PRPF39: variants seen among roughly 807,000 people sequenced by gnomAD.
The protein encoded by PRPF39 is pre-mRNA-processing factor 39.
A neutral mutation model predicts 82.1 loss-of-function variants in PRPF39; 27 were observed. The ratio of observed to expected loss-of-function variants is 0.33; its 90% CI spans 0.24 to 0.45. PRPF39 has a LOEUF of 0.45. Ranked by LOEUF, PRPF39 falls within the 20% of genes least tolerant of loss-of-function variation. The pLI is 1.00. For missense variants in PRPF39, 581 were observed against 796.9 expected (o/e 0.73, Z 3.26); for synonymous variants, 261 against 256.4 (o/e 1.02, Z -0.17).
At chr14:45,089,019 A>G (rs1883933940) in intron 1 of PRPF39, among the ~76,000 whole-genome samples, 1 of 152,210 alleles carries the variant, frequency 6.6e-6, no homozygotes, top group Admixed American at 6.5e-5. Flanking sequence ...CAGATATGAT[A>G]TGCAAATATT....
In PRPF39 at chr14:45,115,426, G is replaced by C. The variant is rs1884809084; in HGVS notation, c.*513G>C. ...TATTAAAATACTTTGCCTTGGAATA[G>C]ATTATAAATGAGAAAATGGAATGTT... On this transcript the variant is annotated 3_prime_UTR_variant, in exon 14 of 14. Coordinates refer to ENST00000355765, the MANE Select transcript of PRPF39 (RefSeq NM_017922.4). 1.3e-5 allele frequency: 2 copies of C among 152,096 alleles called. No individual in the cohort carries two copies. Among genetic ancestry groups the C allele is most frequent in the South Asian group, 2.1e-4 (1 of 4,812 alleles). 9.4% of individuals were successfully genotyped at this position (152,096 alleles called of 1,614,324 possible).
chr14:45,108,628 A>G lies in PRPF39; in HGVS notation c.1011+106A>G. 7.3e-6 allele frequency: 10 copies of G among 1,364,204 alleles called. No homozygotes were observed. In the South Asian group the frequency reaches 1.6e-4, roughly 22 times the overall value. The allele number at this position is 1,364,204 out of a possible 1,614,324, so 84.5% of individuals were successfully genotyped here. Reference sequence around the variant, plus strand: ...CTCTGTTGTAACTTTATTTTTGCATATTTAAGCCATAACTTCAGATGTTTG... The same window carrying G: ...CTCTGTTGTAACTTTATTTTTGCATGTTTAAGCCATAACTTCAGATGTTTG... On this transcript the variant is annotated intron_variant, in intron 7 of 13. Coordinates refer to ENST00000355765, the MANE Select transcript of PRPF39 (RefSeq NM_017922.4).
At chr14:45,109,476 TAA>T (rs1884638313) in intron 7 of PRPF39, 138 bp from the exon 8 acceptor site, 7 of 698,396 alleles carry the variant, frequency 1.0e-5, no homozygotes, top group South Asian at 3.8e-5. Flanking sequence ...GGGTTAATTT[TAA>T]AAGTTTTTTA....
At chr14:45,107,383 A>G in intron 5 of PRPF39, 68 bp from the exon 6 acceptor site, 2 of 1,195,512 alleles carry the variant, frequency 1.7e-6, no homozygotes, top group Non-Finnish European at 1.2e-6. Context: ...AGTAGTATAT[A>G]GTAGGAATCT....
intron 1 of PRPF39, among the ~76,000 whole-genome samples, chr14:45,088,851 G>A (rs1180839610): frequency 2.6e-5 from 4 of 152,128 alleles, no homozygotes; most frequent in Non-Finnish European, 4.4e-5. Context: ...ACATTAAAGT[G>A]TCATAAAACC....
intron 4 of PRPF39, among the ~76,000 whole-genome samples, chr14:45,101,732 C>T (rs61155826): frequency 0.099 from 15,044 of 151,970 alleles, 981 homozygotes; most frequent in African/African-American, 0.18. Flanking sequence ...AGCCATCGTG[C>T]CCAGCCTGTG....
chr14:45,104,296 T>G (rs1449999721), intron 5 of PRPF39, among the ~76,000 whole-genome samples: 2 of 152,216 alleles, frequency 1.3e-5, no homozygotes, highest in African/African-American at 4.8e-5. Context: ...TATAATCTGA[T>G]ATTTTTCACT....
chr14:45,105,168 A>G (rs912192448), intron 5 of PRPF39, among the ~76,000 whole-genome samples: 1 of 152,228 alleles, frequency 6.6e-6, no homozygotes, highest in Admixed American at 6.5e-5. Context: ...TAGCTTTATA[A>G]TACAAAAAAC....
intron 2 of PRPF39, 28 bp from the exon 3 acceptor site, chr14:45,096,075 T>C: frequency 6.6e-7 from 1 of 1,512,110 alleles, no homozygotes; most frequent in Non-Finnish European, 8.9e-7. Flanking sequence ...ATTTCCACAA[T>C]ATTTAAATAC....
intron 5 of PRPF39, among the ~76,000 whole-genome samples, chr14:45,105,118 T>C (rs1226027192): frequency 6.6e-6 from 1 of 152,204 alleles, no homozygotes; most frequent in African/African-American, 2.4e-5. Flanking sequence ...TAGAGCTCAA[T>C]ATATATTAGG....
Position 45,115,093 on chromosome 14 carries a change from T to C in PRPF39, c.*180T>C, listed in dbSNP as rs897802752. 14 of 412,678 alleles carry C rather than the reference T, an allele frequency of 3.4e-5. No individual in the cohort carries two copies. The highest frequency in any genetic ancestry group is 5.3e-5 in the Non-Finnish European group (12 of 228,398). The allele number at this position is 412,678 out of a possible 1,614,324, so 25.6% of individuals were successfully genotyped here. ...TCAATTAGTAGCTTACCACAGATAC[T>C]GTTTCCTACCATTTATAAAATTTAC... On this transcript the variant is annotated 3_prime_UTR_variant, in exon 14 of 14. Transcript: ENST00000355765.
chr14:45,095,362 G>A lies in PRPF39; in HGVS notation c.123G>A (p.Met41Ile), dbSNP rs1473604505. 6.2e-7 allele frequency: 1 copy of A among 1,613,844 alleles called. No individual in the cohort carries two copies. Among genetic ancestry groups the A allele is most frequent in the African/African-American group, 1.3e-5 (1 of 75,012 alleles). ...CTGAGATTATGAACGTTACAGAAATGGAACAGTCACCTGATGACTCTCCCA... is the reference window on the plus strand; with the variant it reads ...CTGAGATTATGAACGTTACAGAAATAGAACAGTCACCTGATGACTCTCCCA... ...FSTEIMNVTEMEQSPDDSPNV... is the reference protein window; with the variant it reads ...FSTEIMNVTEIEQSPDDSPNV... The change falls in exon 2 of 14, where the codon ATG becomes ATA. Residue 41 changes from methionine to isoleucine, a missense_variant. Met to Ile is a conservative substitution (Grantham distance 10, BLOSUM62 1). Coordinates refer to ENST00000355765, the MANE Select transcript of PRPF39 (RefSeq NM_017922.4).
At chr14:45,084,973 G>T (rs1195391000) in intron 1 of PRPF39, among the ~76,000 whole-genome samples, 1 of 152,044 alleles carries the variant, frequency 6.6e-6, no homozygotes, top group Admixed American at 6.6e-5. Flanking sequence ...TTCAAATGTT[G>T]TTTTTTTCGT....
chr14:45,100,573 C>T (rs1263531595), intron 4 of PRPF39, among the ~76,000 whole-genome samples: 1 of 152,134 alleles, frequency 6.6e-6, no homozygotes, highest in African/African-American at 2.4e-5. Flanking sequence ...TTGTCTTCTT[C>T]CCCTTTTCTC....
intron 11 of PRPF39, among the ~76,000 whole-genome samples, chr14:45,113,757 C>T (rs1884761000): frequency 6.6e-6 from 1 of 152,068 alleles, no homozygotes. Context: ...GACACAGTGG[C>T]GGAAGCAAGT....
intron 11 of PRPF39, among the ~76,000 whole-genome samples, chr14:45,113,018 T>G (rs1884738378): frequency 6.6e-6 from 1 of 152,150 alleles, no homozygotes; most frequent in Admixed American, 6.5e-5. Context: ...AAGGACAAGT[T>G]TAAGATTAAA....
At chr14:45,107,141 A>G (rs1052049303) in intron 5 of PRPF39, among the ~76,000 whole-genome samples, 1 of 152,202 alleles carries the variant, frequency 6.6e-6, no homozygotes, top group African/African-American at 2.4e-5. Flanking sequence ...AGATTTAGAG[A>G]AAAGAAAACC....
chr14:45,111,206 CTTTTTATAT>C (rs1447198517), intron 10 of PRPF39, among the ~76,000 whole-genome samples: 1 of 152,092 alleles, frequency 6.6e-6, no homozygotes, highest in African/African-American at 2.4e-5. Flanking sequence ...CCATAGAGTA[CTTTTTATAT>C]TTTTTATATA....
intron 5 of PRPF39, among the ~76,000 whole-genome samples, chr14:45,104,127 T>A (rs777452784): frequency 3.3e-5 from 5 of 152,130 alleles, no homozygotes; most frequent in Non-Finnish European, 5.9e-5. Context: ...CCCTGAAGTT[T>A]TTGATATGTT....
Sources: allele counts gnomAD v4.1 joint callset (sites outside exome capture counted in the v4.1 genomes callset), GRCh38; gene constraint gnomAD v4.1.1; transcripts MANE v1.5; gene names NCBI Gene and HGNC (gene_info 2026-07-23, HGNC 2026-07-21).